Variants in FCHSD2 observed in about 807,000 individuals in gnomAD.
The protein encoded by FCHSD2 is F-BAR and double SH3 domains protein 2.
A neutral mutation model predicts 108.1 loss-of-function variants in FCHSD2; 38 were observed. The observed-to-expected ratio is 0.35, with a 90% CI of 0.27 to 0.46. FCHSD2 has a LOEUF of 0.46. Ranked by LOEUF, FCHSD2 falls within the 20% of genes least tolerant of loss-of-function variation. The pLI is 1.00. For synonymous variants in FCHSD2, 279 were observed against 314.7 expected, an observed-to-expected ratio of 0.89 and a Z score of 1.20; for missense variants, 751 against 897.8, an observed-to-expected ratio of 0.84 and a Z score of 2.09.
At chr11:72,887,013 G>A (rs1855211544) in intron 12 of FCHSD2, among the ~76,000 whole-genome samples, 1 of 151,728 alleles carries the variant, frequency 6.6e-6, no homozygotes, top group Non-Finnish European at 1.5e-5. Context: ...ATTCTTAAAA[G>A]CCCAGCTCAT....
At chr11:72,984,368 C>T (rs923725721) in intron 7 of FCHSD2, among the ~76,000 whole-genome samples, 152 bp from the exon 8 acceptor site, 1 of 152,144 alleles carries the variant, frequency 6.6e-6, no homozygotes, top group Non-Finnish European at 1.5e-5. Context: ...AAAAATTATT[C>T]ATCACTACTA....
chr11:72,847,235 T>A (rs1158723960), intron 14 of FCHSD2, among the ~76,000 whole-genome samples: 1 of 152,192 alleles, frequency 6.6e-6, no homozygotes. Context: ...CGGCTTCAAG[T>A]GATCTTCTCG....
intron 4 of FCHSD2, among the ~76,000 whole-genome samples, chr11:73,009,423 G>GC (rs2135426447): frequency 6.6e-6 from 1 of 152,262 alleles, no homozygotes; most frequent in South Asian, 2.1e-4. Flanking sequence ...CTTGAACCTG[G>GC]GAGGTGGAGG....
intron 14 of FCHSD2, among the ~76,000 whole-genome samples, chr11:72,847,240 T>C (rs1861170687): frequency 6.6e-6 from 1 of 152,226 alleles, no homozygotes. Context: ...TCAAGTGATC[T>C]TCTCGCTTTG....
chr11:72,910,982 G>T (rs893132896), intron 9 of FCHSD2, among the ~76,000 whole-genome samples: 3 of 152,102 alleles, frequency 2.0e-5, no homozygotes, highest in Admixed American at 6.6e-5. Flanking sequence ...TTGCTGTGCA[G>T]AAACTTTTTA....
intron 2 of FCHSD2, among the ~76,000 whole-genome samples, chr11:73,095,928 T>C (rs1228240038): frequency 1.4e-5 from 2 of 148,146 alleles, no homozygotes; most frequent in Non-Finnish European, 1.5e-5. Flanking sequence ...AAAAAAGTTA[T>C]GCACAAAACC....
chr11:73,049,697 A>G (rs1399362117), intron 3 of FCHSD2, among the ~76,000 whole-genome samples: 2 of 151,530 alleles, frequency 1.3e-5, no homozygotes, highest in African/African-American at 2.4e-5. Flanking sequence ...AAAAAAAAAA[A>G]AAAAGAAAAA....
chr11:73,078,033 T>C (rs1049457242), intron 3 of FCHSD2, among the ~76,000 whole-genome samples: 2 of 152,166 alleles, frequency 1.3e-5, no homozygotes, highest in African/African-American at 4.8e-5. Flanking sequence ...GGGTGCTAGT[T>C]ATATGGATGT....
intron 2 of FCHSD2, among the ~76,000 whole-genome samples, chr11:73,088,686 A>C (rs991852126): frequency 6.6e-6 from 1 of 152,198 alleles, no homozygotes; most frequent in Non-Finnish European, 1.5e-5. Flanking sequence ...AATTGGACTA[A>C]GAAATTATTA....
chr11:73,109,007 A>G (rs879546444), intron 2 of FCHSD2, among the ~76,000 whole-genome samples: 9 of 152,160 alleles, frequency 5.9e-5, no homozygotes, highest in Admixed American at 3.3e-4. Context: ...TCCTCAATGT[A>G]TGTTCTTTGC....
rs997935651 is a variant in FCHSD2 at position 73,127,958 on chromosome 11, G to A, written c.119+12073C>T. Among the ~76,000 whole-genome samples the A allele has an allele frequency of 3.8e-4, 56 of 147,990 alleles. 1 individual carries two copies. The highest frequency in any genetic ancestry group is 3.4e-4 in the Admixed American group (5 of 14,542). On this transcript the variant is annotated intron_variant, in intron 2 of 19. Transcript: ENST00000409418. ...TAAAAATACAAAAAATTAGCCAGGC[G>A]TTGTGAGATCACACCACTGTACTCC...
intron 8 of FCHSD2, among the ~76,000 whole-genome samples, chr11:72,933,547 A>C (rs1856237431): frequency 6.6e-6 from 1 of 152,198 alleles, no homozygotes; most frequent in African/African-American, 2.4e-5. Context: ...TGCAATCAAA[A>C]GACTTCTTAC....
intron 14 of FCHSD2, 149 bp from the exon 15 acceptor site, chr11:72,843,681 T>C (rs1861036396): frequency 1.1e-5 from 7 of 617,406 alleles, no homozygotes; most frequent in African/African-American, 1.8e-5. Flanking sequence ...AAAACTTTCA[T>C]AATGAGGTGA....
At chr11:73,089,651 T>C (rs1210165256) in intron 2 of FCHSD2, among the ~76,000 whole-genome samples, 1 of 152,168 alleles carries the variant, frequency 6.6e-6, no homozygotes, top group East Asian at 1.9e-4. Flanking sequence ...TGAACCTCAA[T>C]AACATTACGC....
intron 3 of FCHSD2, among the ~76,000 whole-genome samples, chr11:73,022,565 T>C (rs1858134221): frequency 6.6e-6 from 1 of 152,148 alleles, no homozygotes; most frequent in Non-Finnish European, 1.5e-5. Flanking sequence ...AAGTCCATAA[T>C]ACTAATGAAA....
At chr11:73,004,935 T>A (rs1456471849) in intron 4 of FCHSD2, among the ~76,000 whole-genome samples, 1 of 152,232 alleles carries the variant, frequency 6.6e-6, no homozygotes, top group Non-Finnish European at 1.5e-5. Context: ...AATGTCCACA[T>A]GTTCCCACCA....
intron 3 of FCHSD2, among the ~76,000 whole-genome samples, chr11:73,062,250 A>C (rs2135489051): frequency 6.6e-6 from 1 of 152,322 alleles, no homozygotes; most frequent in East Asian, 1.9e-4. Context: ...AACAGAAAGG[A>C]ATAGCATGTG....
intron 8 of FCHSD2, among the ~76,000 whole-genome samples, chr11:72,942,898 C>G (rs1856448154): frequency 6.6e-6 from 1 of 152,156 alleles, no homozygotes; most frequent in South Asian, 2.1e-4. Flanking sequence ...CCACCTCAGG[C>G]TTCCAAGTAG....
chr11:72,994,313 C>T (rs1857479606), intron 5 of FCHSD2, among the ~76,000 whole-genome samples: 1 of 152,102 alleles, frequency 6.6e-6, no homozygotes, highest in Non-Finnish European at 1.5e-5. Context: ...CTTGTGGGCA[C>T]TGCACAGGTG....
Sources: allele counts gnomAD v4.1 joint callset (sites outside exome capture counted in the v4.1 genomes callset), GRCh38; gene constraint gnomAD v4.1.1; transcripts MANE v1.5; gene names NCBI Gene and HGNC (gene_info 2026-07-23, HGNC 2026-07-21).